The following MGAT5 variants were observed in gnomAD, a reference collection of about 807,000 sequenced individuals.
The protein encoded by MGAT5 is alpha-1,6-mannosylglycoprotein 6-beta-N-acetylglucosaminyltransferase.
A neutral mutation model predicts 94.3 loss-of-function variants in MGAT5; 30 were observed. That is an observed-to-expected ratio of 0.32 (90% CI 0.24 to 0.43). MGAT5 has a LOEUF of 0.43. MGAT5 is among the 20% of genes least tolerant of loss of function. The pLI, the probability that MGAT5 is intolerant of heterozygous loss-of-function variation, is 1.00. For missense variants in MGAT5, 691 were observed against 905.5 expected (o/e 0.76, Z 3.04); for synonymous variants, 310 against 322.9 (o/e 0.96, Z 0.43).
In MGAT5 at chr2:134,412,960, CA is replaced by C; in HGVS notation, c.1623del (p.Ser544AlafsTer14). 6.2e-7 allele frequency: 1 copy of C among 1,614,120 alleles called. No individual in the cohort carries two copies. The highest frequency in any genetic ancestry group is 8.5e-7 in the Non-Finnish European group (1 of 1,180,016). ...GCAFLNPKFN[P>X]PKSSKNTDFF... Reference sequence around the variant, plus strand: ...GCTTTTCTGAATCCCAAGTTCAACCCACCCAAAAGCAGCAAAAACACAGACT... The same window carrying C: ...GCTTTTCTGAATCCCAAGTTCAACCCCCCAAAAGCAGCAAAAACACAGACT... On this transcript the variant is annotated frameshift_variant, in exon 12 of 16. Transcript: ENST00000281923. LOFTEE classifies it high-confidence loss of function.
intron 1 of MGAT5, among the ~76,000 whole-genome samples, chr2:134,220,788 A>G (rs1443117575): frequency 6.6e-6 from 1 of 151,924 alleles, no homozygotes; most frequent in Non-Finnish European, 1.5e-5. Context: ...ATCTTCACGT[A>G]TGTTACTGAC....
intron 1 of MGAT5, among the ~76,000 whole-genome samples, chr2:134,123,048 T>C (rs953256628): frequency 3.9e-5 from 6 of 152,212 alleles, no homozygotes; most frequent in African/African-American, 1.4e-4. Flanking sequence ...TGTACATGCA[T>C]ATGCCATGTT....
At chr2:134,367,144 TC>T (rs1276481305) in intron 10 of MGAT5, among the ~76,000 whole-genome samples, 1 of 152,192 alleles carries the variant, frequency 6.6e-6, no homozygotes, top group African/African-American at 2.4e-5. Context: ...ATGGCTGGGT[TC>T]AAATCCTGAC....
chr2:134,164,831 AC>A (rs1305636382), intron 1 of MGAT5, among the ~76,000 whole-genome samples: 1 of 146,196 alleles, frequency 6.8e-6, no homozygotes, highest in Admixed American at 6.9e-5. Flanking sequence ...ACATAGTGAC[AC>A]CCGTCTCAAA....
At chr2:134,239,277 C>T (rs1467488843) in intron 1 of MGAT5, among the ~76,000 whole-genome samples, 1 of 152,206 alleles carries the variant, frequency 6.6e-6, no homozygotes, top group Non-Finnish European at 1.5e-5. Flanking sequence ...GGATTACAGG[C>T]GTGAGCCACC....
At chr2:134,190,088 G>T (rs1319969644) in intron 1 of MGAT5, among the ~76,000 whole-genome samples, 1 of 152,172 alleles carries the variant, frequency 6.6e-6, no homozygotes, top group East Asian at 1.9e-4. Flanking sequence ...TGGTTATAAG[G>T]TATCTTTCTG....
At chr2:134,224,177 G>A (rs1345484482) in intron 1 of MGAT5, among the ~76,000 whole-genome samples, 1 of 152,084 alleles carries the variant, frequency 6.6e-6, no homozygotes. Context: ...TGACATTTGG[G>A]GTTTTATTCA....
intron 10 of MGAT5, among the ~76,000 whole-genome samples, chr2:134,381,484 A>G (rs7571285): frequency 0.45 from 63,713 of 140,824 alleles, 13,952 homozygotes; most frequent in Middle Eastern, 0.68. Flanking sequence ...TAGGTAGAGA[A>G]ATAGACAGAC....
intron 1 of MGAT5, among the ~76,000 whole-genome samples, chr2:134,198,043 G>C (rs1426282954): frequency 6.6e-6 from 1 of 152,202 alleles, no homozygotes; most frequent in East Asian, 1.9e-4. Context: ...CTTTGGGGGA[G>C]CAATAAGGAT....
intron 10 of MGAT5, among the ~76,000 whole-genome samples, chr2:134,366,416 A>C (rs950606192): frequency 6.6e-6 from 1 of 152,254 alleles, no homozygotes; most frequent in Non-Finnish European, 1.5e-5. Flanking sequence ...TTATGTATTC[A>C]TGATCCTACT....
At chr2:134,391,913 C>A (rs1394692706) in intron 10 of MGAT5, among the ~76,000 whole-genome samples, 1 of 152,132 alleles carries the variant, frequency 6.6e-6, no homozygotes, top group African/African-American at 2.4e-5. Flanking sequence ...TGGGTGAAAC[C>A]ACTTCCCAAG....
intron 1 of MGAT5, among the ~76,000 whole-genome samples, chr2:134,164,633 G>A (rs1250813789): frequency 6.6e-6 from 1 of 152,098 alleles, no homozygotes; most frequent in South Asian, 2.1e-4. Context: ...TCTGTCCTAT[G>A]AGGTCAGTCT....
chr2:134,351,830 T>TATAC (rs916621580), intron 9 of MGAT5, among the ~76,000 whole-genome samples: 5 of 152,120 alleles, frequency 3.3e-5, no homozygotes, highest in East Asian at 1.9e-4. Context: ...GACCCTTATA[T>TATAC]ATACATACAT....
At chr2:134,197,330 C>T (rs958402932) in intron 1 of MGAT5, among the ~76,000 whole-genome samples, 12 of 152,150 alleles carry the variant, frequency 7.9e-5, no homozygotes, top group South Asian at 4.1e-4. Context: ...ATTAGCATTA[C>T]GAGGTGATGC....
At chr2:134,227,394 G>C (rs1681117416) in intron 1 of MGAT5, among the ~76,000 whole-genome samples, 1 of 152,152 alleles carries the variant, frequency 6.6e-6, no homozygotes, top group Admixed American at 6.5e-5. Flanking sequence ...TTCCTCTTGA[G>C]GCCAAAGATG....
intron 1 of MGAT5, among the ~76,000 whole-genome samples, chr2:134,137,311 C>A (rs1172774153): frequency 2.0e-5 from 3 of 152,186 alleles, no homozygotes; most frequent in Non-Finnish European, 4.4e-5. Context: ...TGGAGGTAGT[C>A]AGCGCCATAG....
At chr2:134,322,661 G>T (rs1018443682) in intron 4 of MGAT5, among the ~76,000 whole-genome samples, 1 of 152,088 alleles carries the variant, frequency 6.6e-6, no homozygotes, top group Admixed American at 6.6e-5. Flanking sequence ...TAAAATCCTG[G>T]ACAATATCTG....
intron 1 of MGAT5, among the ~76,000 whole-genome samples, chr2:134,122,387 A>C (rs1573695222): frequency 6.6e-6 from 1 of 152,044 alleles, no homozygotes; most frequent in Non-Finnish European, 1.5e-5. Flanking sequence ...TACAGGCGTG[A>C]CCCACCGTGC....
intron 1 of MGAT5, among the ~76,000 whole-genome samples, chr2:134,180,959 T>A (rs933052971): frequency 4.6e-5 from 7 of 152,238 alleles, no homozygotes; most frequent in African/African-American, 1.7e-4. Flanking sequence ...TTCTCAGCGA[T>A]ACCCTGTCTC....
Sources: allele counts gnomAD v4.1 joint callset (sites outside exome capture counted in the v4.1 genomes callset), GRCh38; gene constraint gnomAD v4.1.1; transcripts MANE v1.5; gene names NCBI Gene and HGNC (gene_info 2026-07-23, HGNC 2026-07-21).